Variants in EXOC6B observed in about 807,000 individuals in gnomAD.
EXOC6B encodes exocyst complex component 6B.
A neutral mutation model predicts 113.5 loss-of-function variants in EXOC6B; 54 were observed. That is an observed-to-expected ratio of 0.48 (90% CI 0.38 to 0.60). The LOEUF is 0.60. EXOC6B is among the 20% of genes least tolerant of loss of function. The pLI is 0.00. For missense variants in EXOC6B, 797 were observed against 977.5 expected, an observed-to-expected ratio of 0.82 and a Z score of 2.46; for synonymous variants, 357 against 339.0, an observed-to-expected ratio of 1.05 and a Z score of -0.58.
At chr2:72,608,258 C>A (rs1670868257) in intron 6 of EXOC6B, among the ~76,000 whole-genome samples, 1 of 152,032 alleles carries the variant, frequency 6.6e-6, no homozygotes, top group Admixed American at 6.6e-5. Flanking sequence ...TCTACTATCA[C>A]AAAGGAATAC....
At position 72,826,011 on chromosome 2, in the gene EXOC6B, C is replaced by T; in HGVS notation, c.-101G>A. ...ACCACAGGCTCCACAGCCGCCCCAGCCTCTGGCTACCCGCAGGCCGACCCC... is the reference window on the plus strand; with the variant it reads ...ACCACAGGCTCCACAGCCGCCCCAGTCTCTGGCTACCCGCAGGCCGACCCC... On this transcript the variant is annotated 5_prime_UTR_variant, in exon 1 of 22. Coordinates refer to ENST00000272427, the MANE Select transcript of EXOC6B (RefSeq NM_015189.3). 1.3e-6 allele frequency: 2 copies of T among 1,499,636 alleles called. No individual in the cohort carries two copies. 92.9% of individuals were successfully genotyped at this position (1,499,636 alleles called of 1,614,324 possible).
At chr2:72,503,534 C>A (rs1700440279) in intron 11 of EXOC6B, among the ~76,000 whole-genome samples, 1 of 152,120 alleles carries the variant, frequency 6.6e-6, no homozygotes, top group Non-Finnish European at 1.5e-5. Flanking sequence ...TAGCTCATTT[C>A]TTTATATCAC....
At chr2:72,644,957 A>G (rs1673581082) in intron 6 of EXOC6B, among the ~76,000 whole-genome samples, 1 of 152,238 alleles carries the variant, frequency 6.6e-6, no homozygotes, top group African/African-American at 2.4e-5. Flanking sequence ...TTAAATGTAA[A>G]TGGGCTAAAT....
At chr2:72,445,501 G>A (rs746978401) in intron 18 of EXOC6B, among the ~76,000 whole-genome samples, 53 of 152,090 alleles carry the variant, frequency 3.5e-4, no homozygotes, top group Admixed American at 7.9e-4. Context: ...AGACATACCC[G>A]AGACTAGAGA....
intron 10 of EXOC6B, among the ~76,000 whole-genome samples, 172 bp from the exon 11 acceptor site, chr2:72,513,424 T>C (rs2105673733): frequency 6.6e-6 from 1 of 152,186 alleles, no homozygotes; most frequent in East Asian, 1.9e-4. Flanking sequence ...GGACCAAAAA[T>C]TATGTCTGTG....
At chr2:72,240,656 T>C (rs1256298864) in intron 20 of EXOC6B, among the ~76,000 whole-genome samples, 1 of 152,224 alleles carries the variant, frequency 6.6e-6, no homozygotes, top group Admixed American at 6.5e-5. Flanking sequence ...TACAATCATC[T>C]GCTGGATAAG....
rs183596013 is a variant in EXOC6B, at chr2:72,216,672, C to A, written c.2197-32485G>T. Among the ~76,000 whole-genome samples, 5 of 152,232 alleles carry A rather than the reference C, an allele frequency of 3.3e-5. No individual in the cohort carries two copies. In the East Asian group the frequency reaches 9.6e-4, roughly 29 times the overall value. ...AACCCAAATGCCCATCAGTGATAGA[C>A]TGGATAAAGAAAATGTGGTACATAT... On this transcript the variant is annotated intron_variant, in intron 20 of 21. Transcript: ENST00000272427.
At chr2:72,470,091 G>A (rs1452497365) in intron 17 of EXOC6B, among the ~76,000 whole-genome samples, 2 of 151,942 alleles carry the variant, frequency 1.3e-5, no homozygotes, top group African/African-American at 4.8e-5. Flanking sequence ...TGAATTTTAT[G>A]ATTGTTTTTT....
intron 20 of EXOC6B, among the ~76,000 whole-genome samples, chr2:72,230,899 T>C (rs1681576395): frequency 6.6e-6 from 1 of 152,166 alleles, no homozygotes; most frequent in Non-Finnish European, 1.5e-5. Context: ...ATTCCTAAGA[T>C]GAAGAAACAG....
chr2:72,393,409 G>A (rs897024474), intron 18 of EXOC6B, among the ~76,000 whole-genome samples: 4 of 151,782 alleles, frequency 2.6e-5, no homozygotes, highest in African/African-American at 9.7e-5. Flanking sequence ...TTTTTTTAGG[G>A]GAGTTTCTTC....
At chr2:72,203,256 C>G (rs1169554216) in intron 20 of EXOC6B, among the ~76,000 whole-genome samples, 2 of 152,190 alleles carry the variant, frequency 1.3e-5, no homozygotes, top group African/African-American at 4.8e-5. Flanking sequence ...CCTTTTCAAT[C>G]AGTCCCAGGC....
chr2:72,228,211 T>C (rs1350830083), intron 20 of EXOC6B, among the ~76,000 whole-genome samples: 1 of 152,176 alleles, frequency 6.6e-6, no homozygotes, highest in East Asian at 1.9e-4. Context: ...ATGCACCTTA[T>C]GTCCAGGGAA....
intron 6 of EXOC6B, among the ~76,000 whole-genome samples, chr2:72,695,568 C>T (rs1415069022): frequency 6.6e-6 from 1 of 151,826 alleles, no homozygotes; most frequent in Non-Finnish European, 1.5e-5. Flanking sequence ...TGAAGTGTCT[C>T]CATAAGTATC....
intron 20 of EXOC6B, among the ~76,000 whole-genome samples, chr2:72,193,971 A>T (rs899745882): frequency 2.6e-5 from 4 of 152,228 alleles, no homozygotes. Flanking sequence ...CTTTTATGCT[A>T]TAATAGCTGA....
At chr2:72,617,220 T>G (rs1384246418) in intron 6 of EXOC6B, among the ~76,000 whole-genome samples, 2 of 152,176 alleles carry the variant, frequency 1.3e-5, no homozygotes, top group Admixed American at 1.3e-4. Flanking sequence ...TCCTGGCTGC[T>G]TTCACAGGCT....
intron 8 of EXOC6B, among the ~76,000 whole-genome samples, chr2:72,551,394 C>T (rs1287717496): frequency 1.3e-5 from 2 of 152,072 alleles, no homozygotes; most frequent in East Asian, 3.9e-4. Flanking sequence ...GACAGGGTTT[C>T]ACCATGTTGG....
intron 8 of EXOC6B, among the ~76,000 whole-genome samples, chr2:72,554,474 G>A (rs1703421647): frequency 1.3e-5 from 2 of 152,160 alleles, no homozygotes. Context: ...ATGATAGTGA[G>A]TGAGTCTCAC....
intron 18 of EXOC6B, among the ~76,000 whole-genome samples, chr2:72,426,669 A>G (rs1695215769): frequency 6.6e-6 from 1 of 152,186 alleles, no homozygotes; most frequent in Non-Finnish European, 1.5e-5. Context: ...CACCTCTCCT[A>G]TCAGTCCCAA....
chr2:72,269,261 A>C (rs1235619268), intron 20 of EXOC6B, among the ~76,000 whole-genome samples: 2 of 150,778 alleles, frequency 1.3e-5, no homozygotes, highest in Non-Finnish European at 2.9e-5. Context: ...ATTATATTTA[A>C]ATTTCTGCCA....
Sources: gnomAD v4.1 joint callset for allele counts (sites outside exome capture counted in the v4.1 genomes callset) on GRCh38, gnomAD v4.1.1 for gene constraint, MANE v1.5 for transcripts, NCBI Gene and HGNC (gene_info 2026-07-23, HGNC 2026-07-21) for gene names.